The following RBMS3 variants were observed in gnomAD, a reference collection of about 807,000 sequenced individuals.
RBMS3 encodes RNA binding motif single stranded interacting protein 3, also known as RNA-binding motif, single-stranded-interacting protein 3.
RBMS3 carries 27 observed loss-of-function variants against 66.8 expected under a neutral mutation model. The ratio of observed to expected loss-of-function variants is 0.40; its 90% CI spans 0.30 to 0.56. The LOEUF (loss-of-function observed/expected upper bound fraction) is 0.56, where lower values mean the gene tolerates loss of function less well. Among genes scored for constraint, RBMS3 ranks in the 20% least tolerant of loss-of-function variants. The pLI, the probability that RBMS3 is intolerant of heterozygous loss-of-function variation, is 0.40. For missense variants in RBMS3, 513 were observed against 549.5 expected (o/e 0.93, Z 0.66); for synonymous variants, 188 against 183.0 (o/e 1.03, Z -0.22).
At chr3:29,869,085 A>T (rs936269923) in intron 7 of RBMS3, 121 bp downstream of exon 7, 5 of 751,230 alleles carry the variant, frequency 6.7e-6, no homozygotes, top group African/African-American at 1.8e-5. Context: ...AATGTCTTCA[A>T]AGGGGCAAAT....
intron 12 of RBMS3, among the ~76,000 whole-genome samples, chr3:29,947,162 T>G (rs1695379911): frequency 6.6e-6 from 1 of 151,546 alleles, no homozygotes; most frequent in Non-Finnish European, 1.5e-5. Context: ...TACTTGGATT[T>G]AAGATTTTGG....
chr3:29,900,563 A>G (rs1037097406), intron 10 of RBMS3, among the ~76,000 whole-genome samples: 1 of 151,718 alleles, frequency 6.6e-6, no homozygotes, highest in Admixed American at 6.6e-5. Context: ...AGAGATTTCA[A>G]TAGCAACACA....
intron 1 of RBMS3, among the ~76,000 whole-genome samples, chr3:29,331,840 T>TC (rs2035682890): frequency 9.6e-6 from 1 of 104,212 alleles, no homozygotes; most frequent in Non-Finnish European, 1.9e-5. Flanking sequence ...TTTTTTTTTT[T>TC]CCGTTTGCTT....
intron 1 of RBMS3, among the ~76,000 whole-genome samples, chr3:29,341,518 A>T (rs1007747082): frequency 5.9e-5 from 9 of 152,072 alleles, no homozygotes; most frequent in African/African-American, 2.2e-4. Flanking sequence ...ACTTTTTTAT[A>T]TTAAGTAATA....
chr3:29,377,049 A>T (rs1443152651), intron 1 of RBMS3, among the ~76,000 whole-genome samples: 3 of 152,012 alleles, frequency 2.0e-5, no homozygotes, highest in African/African-American at 7.2e-5. Flanking sequence ...AGATCATGCC[A>T]TTGCACTATA....
intron 1 of RBMS3, among the ~76,000 whole-genome samples, chr3:29,306,681 T>C (rs2034034645): frequency 6.6e-6 from 1 of 151,914 alleles, no homozygotes; most frequent in South Asian, 2.1e-4. Context: ...GAAACACTAA[T>C]TACTTCCAAA....
intron 3 of RBMS3, among the ~76,000 whole-genome samples, chr3:29,527,625 A>G (rs1377842834): frequency 6.6e-6 from 1 of 152,168 alleles, no homozygotes; most frequent in Admixed American, 6.5e-5. Context: ...TATTTGGCAA[A>G]ATGTCACTCA....
At chr3:29,619,407 G>GAT (rs1283595480) in intron 4 of RBMS3, among the ~76,000 whole-genome samples, 1 of 152,146 alleles carries the variant, frequency 6.6e-6, no homozygotes, top group African/African-American at 2.4e-5. Flanking sequence ...AAATCACAAT[G>GAT]ATAGGCATGA....
chr3:29,719,957 AT>A (rs2149319077), intron 4 of RBMS3, among the ~76,000 whole-genome samples: 1 of 149,214 alleles, frequency 6.7e-6, no homozygotes, highest in East Asian at 2.0e-4. Context: ...GGCAAATCAG[AT>A]TTTGTCTTTC....
chr3:29,986,691 C>A (rs1242635217), intron 12 of RBMS3, among the ~76,000 whole-genome samples: 2 of 152,200 alleles, frequency 1.3e-5, no homozygotes, highest in Non-Finnish European at 2.9e-5. Context: ...ACCTGTAATC[C>A]TAGCACTCTG....
intron 3 of RBMS3, among the ~76,000 whole-genome samples, chr3:29,491,864 G>A (rs1481737310): frequency 1.1e-4 from 17 of 152,232 alleles, no homozygotes; most frequent in African/African-American, 4.1e-4. Context: ...GTGGTGGCGG[G>A]TGCCTGTAGT....
chr3:29,306,683 A>G (rs1268106092), intron 1 of RBMS3, among the ~76,000 whole-genome samples: 4 of 151,904 alleles, frequency 2.6e-5, no homozygotes, highest in Non-Finnish European at 1.5e-5. Flanking sequence ...AACACTAATT[A>G]CTTCCAAAGA....
chr3:29,559,590 G>C (rs1000615346), intron 3 of RBMS3, among the ~76,000 whole-genome samples: 3 of 125,708 alleles, frequency 2.4e-5, no homozygotes, highest in African/African-American at 8.9e-5. Flanking sequence ...AAGTTCTGAA[G>C]AGTCTCAGTT....
At chr3:29,550,912 G>A (rs1179397651) in intron 3 of RBMS3, among the ~76,000 whole-genome samples, 1 of 152,206 alleles carries the variant, frequency 6.6e-6, no homozygotes, top group African/African-American at 2.4e-5. Flanking sequence ...CATGGCCTAA[G>A]TATAACTGCA....
At chr3:29,520,563 GT>G (rs1269973946) in intron 3 of RBMS3, among the ~76,000 whole-genome samples, 2 of 152,074 alleles carry the variant, frequency 1.3e-5, no homozygotes, top group Non-Finnish European at 2.9e-5. Flanking sequence ...CACAAAACAA[GT>G]TTAGCCAACA....
At chr3:29,899,861 G>A (rs768757836) in intron 10 of RBMS3, 106 bp downstream of exon 10, 22 of 1,083,272 alleles carry the variant, frequency 2.0e-5, no homozygotes, top group East Asian at 1.7e-4. Context: ...TATGTAACTC[G>A]TTCAGGCAGC....
intron 4 of RBMS3, among the ~76,000 whole-genome samples, chr3:29,724,292 A>G (rs1336987317): frequency 2.0e-5 from 3 of 152,202 alleles, no homozygotes; most frequent in South Asian, 2.1e-4. Context: ...ACTTATATTT[A>G]CTTAGTAGCT....
chr3:29,762,105 C>T (rs558749677), intron 5 of RBMS3, among the ~76,000 whole-genome samples: 1 of 152,144 alleles, frequency 6.6e-6, no homozygotes, highest in Admixed American at 6.6e-5. Context: ...TCAAAATGTT[C>T]ATGCTTTAGG....
chr3:29,776,241 T>G (rs1022550105), intron 6 of RBMS3, among the ~76,000 whole-genome samples: 20 of 152,008 alleles, frequency 1.3e-4, no homozygotes, highest in Admixed American at 1.1e-3. Flanking sequence ...ATTTAATTTC[T>G]GGAAGAACAT....
Sources: allele counts gnomAD v4.1 joint callset (sites outside exome capture counted in the v4.1 genomes callset), GRCh38; gene constraint gnomAD v4.1.1; transcripts MANE v1.5; gene names NCBI Gene and HGNC (gene_info 2026-07-23, HGNC 2026-07-21).